Variants in SLC4A9 observed in about 807,000 individuals in gnomAD.
SLC4A9 encodes the protein solute carrier family 4 member 9.
Under a neutral mutation model 103.2 loss-of-function variants are expected in SLC4A9, and 102 were observed. That is an observed-to-expected ratio of 0.99 (90% confidence interval 0.84 to 1.17). The LOEUF (loss-of-function observed/expected upper bound fraction) is 1.17. SLC4A9 is among the 50% of genes most tolerant of loss of function. The probability of loss-of-function intolerance (pLI) is 0.00; values close to 1 mark genes in which losing one functional copy is unlikely to be tolerated. For synonymous variants in SLC4A9, 453 were observed against 483.6 expected (o/e 0.94, Z 0.83); for missense variants, 1,091 against 1,193.7 (o/e 0.91, Z 1.27).
chr5:140,367,412 T>G lies in SLC4A9; in HGVS notation c.2014-8T>G, dbSNP rs1468766068. 1 of 1,611,032 alleles carries G rather than the reference T, an allele frequency of 6.2e-7. No homozygotes were observed. Among genetic ancestry groups the G allele is most frequent in the Non-Finnish European group, 8.5e-7 (1 of 1,178,934 alleles). ...ACTCCAACCTGTCCATGAAATGCCC[T>G]CCTCCAGCCCACACTCCCTGGGCGT... On this transcript the variant is annotated splice_region_variant and splice_polypyrimidine_tract_variant and intron_variant, in intron 14 of 21. Transcript: ENST00000506757.
At chr5:140,366,787 C>A (rs1407361357) in intron 14 of SLC4A9, among the ~76,000 whole-genome samples, 4 of 152,142 alleles carry the variant, frequency 2.6e-5, no homozygotes, top group Admixed American at 2.6e-4. Flanking sequence ...CTCCACTACT[C>A]CTCACTCTCT....
Position 140,363,304 on chromosome 5 carries a change from G to A in SLC4A9, c.963-135G>A, listed in dbSNP as rs1005674904. ...CGCAATATGACCTGGACCTTCTAGA[G>A]GCCCAGGTGTCGCCATGGTTCCCTC... On this transcript the variant is annotated intron_variant, in intron 7 of 21. Coordinates refer to ENST00000506757, the MANE Select transcript of SLC4A9 (RefSeq NM_031467.3). This position sits in a 1 kb window ranked among gnomAD's most constrained non-coding sequence, Gnocchi z 4.5. 12 of 941,318 alleles carry A rather than the reference G, an allele frequency of 1.3e-5. No homozygotes were observed. The African/African-American group carries it at 2.0e-4, about 16-fold the overall frequency. The allele number at this position is 941,318 out of a possible 1,614,324, so 58.3% of individuals were successfully genotyped here.
In SLC4A9 at chr5:140,367,799, A is replaced by G. The variant is rs1451686109; in HGVS notation, c.2255A>G (p.Tyr752Cys). 10 of 1,613,902 alleles carry G rather than the reference A, an allele frequency of 6.2e-6. No individual in the cohort carries two copies. The highest frequency in any genetic ancestry group is 1.7e-5 in the Admixed American group (1 of 60,022). The change falls in exon 16 of 22, where the codon TAT (tyrosine) becomes TGT (cysteine). Residue 752 changes from tyrosine (Y) to cysteine (C), a missense_variant. By Grantham distance (194) the Tyr-to-Cys change is radical. Transcript: ENST00000506757. ...ACATCAGCGCTTGGACTGCCTTGGTATGTCTCAGCCACTGTCATCTCCCTG... is the reference window on the plus strand; with the variant it reads ...ACATCAGCGCTTGGACTGCCTTGGTGTGTCTCAGCCACTGTCATCTCCCTG... ...LLTSALGLPW[Y>C]VSATVISLAH... is the part of the protein sequence containing the mutation.
At position 140,364,602 on chromosome 5, in the gene SLC4A9, T is replaced by C; in HGVS notation, c.1628T>C (p.Leu543Pro). ...QKPGSSAYGC[L>P]CQYPGPGGNE... ...CCTGGGTCCTCTGCCTACGGGTGCC[T>C]CTGCCAATACCCAGGCCCAGGAGGT... is the stretch of plus-strand genomic sequence containing the variant. Residue 543 changes from leucine to proline, a missense_variant, in exon 11 of 22, where the codon CTC becomes CCC. Coordinates refer to ENST00000506757, the MANE Select transcript of SLC4A9 (RefSeq NM_031467.3). 2 of 1,601,336 alleles carry C rather than the reference T, an allele frequency of 1.2e-6. No individual in the cohort carries two copies. Among genetic ancestry groups the C allele is most frequent in the Non-Finnish European group, 1.7e-6 (2 of 1,173,716 alleles).
chr5:140,361,389 C>G (rs1767062518), intron 3 of SLC4A9, 22 bp downstream of exon 3: 5 of 1,536,112 alleles, frequency 3.3e-6, no homozygotes, highest in Non-Finnish European at 4.4e-6. Context: ...TCCCTGGGCC[C>G]AGGACCAAGA....
In SLC4A9 at chr5:140,372,255, T is replaced by G; in HGVS notation, c.2684T>G (p.Val895Gly). The G allele has an allele frequency of 2.6e-6, 4 of 1,567,074 alleles. No individual in the cohort carries two copies. The highest frequency in any genetic ancestry group is 3.4e-6 in the Non-Finnish European group (4 of 1,163,054). Residue 895 changes from valine (V) to glycine (G), a missense_variant, in exon 20 of 22, where the codon GTG (valine) becomes GGG (glycine). By Grantham distance (109) the Val-to-Gly change is moderately radical (BLOSUM62 -3). Coordinates refer to ENST00000506757, the MANE Select transcript of SLC4A9 (RefSeq NM_031467.3). ...IIFPLMLLGL[V>G]GVRKALERVF... ...CTATTCCTGCAGTTGCTGGGCCTTG[T>G]GGGGGTCCGAAAGGCCCTGGAGAGG...
Position 140,372,363 on chromosome 5 carries a change from C to T in SLC4A9, c.2792C>T (p.Pro931Leu), listed in dbSNP as rs752889293. The change falls in exon 20 of 22, where the codon CCA becomes CTA. Residue 931 changes from proline (P) to leucine (L), a missense_variant. Coordinates refer to ENST00000506757, the MANE Select transcript of SLC4A9 (RefSeq NM_031467.3). ...ERSIPEKGLE[P>L]EHSFSGSDSE... ...AGCATCCCTGAGAAGGGGCTGGAGC[C>T]AGAACACTCATTCAGTGGAAGTGAC... is the stretch of plus-strand genomic sequence containing the variant. 5.0e-6 allele frequency: 8 copies of T among 1,610,170 alleles called. No homozygotes were observed. The Admixed American group carries it at 1.4e-4, about 27-fold the overall frequency.
chr5:140,365,983 C>A lies in SLC4A9; in HGVS notation c.1860C>A (p.Ala620=). 1 of 1,614,044 alleles carries A rather than the reference C, an allele frequency of 6.2e-7. No homozygotes were observed. Among genetic ancestry groups the A allele is most frequent in the Non-Finnish European group, 8.5e-7 (1 of 1,179,890 alleles). ...TTACTTCTTTCTTCTTTGCTATGGCCCTCAAGTGTGTAAAGACCAGCCGCT... is the reference window on the plus strand; with the variant it reads ...TTACTTCTTTCTTCTTTGCTATGGCACTCAAGTGTGTAAAGACCAGCCGCT... ...LFLTSFFFAM[A]LKCVKTSRFF... The change falls in exon 13 of 22, where the codon GCC becomes GCA. Residue 620 remains alanine (A), a synonymous_variant. Transcript: ENST00000506757.
In SLC4A9 at chr5:140,363,683, T is replaced by G. The variant is rs778431635; in HGVS notation, c.1080-45T>G. The G allele has an allele frequency of 6.2e-7, 1 of 1,606,254 alleles. No homozygotes were observed. Among genetic ancestry groups the G allele is most frequent in the Non-Finnish European group, 8.5e-7 (1 of 1,176,114 alleles). On this transcript the variant is annotated intron_variant, in intron 8 of 21. Coordinates refer to ENST00000506757, the MANE Select transcript of SLC4A9 (RefSeq NM_031467.3). This position sits in a 1 kb window ranked among gnomAD's most constrained non-coding sequence, Gnocchi z 4.5. ...ACAGGGAAAGTAGCGGGGATGCGGG[T>G]GTGGAGTGTGAAAACCTGGATCACT...
intron 17 of SLC4A9, among the ~76,000 whole-genome samples, chr5:140,370,721 AAAGGCTTTGC>A (rs1372042508): frequency 6.6e-6 from 1 of 152,138 alleles, no homozygotes; most frequent in Non-Finnish European, 1.5e-5. Context: ...TAGCAAAGCA[AAAGGCTTTGC>A]AAGGGGTAGG....
In SLC4A9 at chr5:140,361,355, A is replaced by G. The variant is rs1174433317; in HGVS notation, c.493A>G (p.Arg165Gly). 1.9e-6 allele frequency: 3 copies of G among 1,556,038 alleles called. No individual in the cohort carries two copies. In the Admixed American group the frequency reaches 5.8e-5, roughly 30 times the overall value. ...GCATTACAACCAGACCACAGGCACC[A>G]GGCCCTGCTGGGGTGAGAGCCCCTC... ...PQHYNQTTGT[R>G]PCWGSTHPRK... The change falls in exon 3 of 22, where the codon AGG becomes GGG. Residue 165 changes from arginine (R) to glycine (G), a missense_variant. By Grantham distance (125) the Arg-to-Gly change is moderately radical (BLOSUM62 -2). Transcript: ENST00000506757.
chr5:140,366,118 C>T (rs1295780908), intron 13 of SLC4A9, 33 bp from the exon 14 acceptor site: 1 of 1,609,080 alleles, frequency 6.2e-7, no homozygotes, highest in South Asian at 1.1e-5. Context: ...AGATGGCAGG[C>T]CTGGACCTGA....
Position 140,368,470 on chromosome 5 carries a change from G to A in SLC4A9, c.2355-117G>A, listed in dbSNP as rs958179098. ...TCATCCCTCTGGGTGACCTACTGGG[G>A]TATTCCTCTAGTTTTCTCTTGCTGC... On this transcript the variant is annotated intron_variant, in intron 16 of 21. Transcript: ENST00000506757. The A allele has an allele frequency of 1.1e-5, 8 of 752,782 alleles. No homozygotes were observed. In the Admixed American group the frequency reaches 2.1e-4, roughly 19 times the overall value. 46.6% of individuals were successfully genotyped at this position (752,782 alleles called of 1,614,324 possible). A position where few individuals can be genotyped will look rare whatever the true frequency, so the allele number is the denominator to read the frequency against.
At position 140,365,429 on chromosome 5, in the gene SLC4A9, T is replaced by C. The variant is rs967430999; in HGVS notation, c.1652-91T>C. On this transcript the variant is annotated intron_variant, in intron 11 of 21. Coordinates refer to ENST00000506757, the MANE Select transcript of SLC4A9 (RefSeq NM_031467.3). ...GATGAGTCACAATTAAGAACTCTGGTTCACCTGGACCCATCAGATAAGAAT... is the reference window on the plus strand; with the variant it reads ...GATGAGTCACAATTAAGAACTCTGGCTCACCTGGACCCATCAGATAAGAAT... 7 of 1,110,806 alleles carry C rather than the reference T, an allele frequency of 6.3e-6. No homozygotes were observed. In the African/African-American group the frequency reaches 1.1e-4, roughly 17 times the overall value. 68.8% of individuals were successfully genotyped at this position (1,110,806 alleles called of 1,614,324 possible). A position where few individuals can be genotyped will look rare whatever the true frequency, so the allele number is the denominator to read the frequency against.
In SLC4A9 at chr5:140,363,647, C is replaced by T; in HGVS notation, c.1080-81C>T. 9.5e-6 allele frequency: 15 copies of T among 1,581,504 alleles called. No individual in the cohort carries two copies. In the South Asian group the frequency reaches 1.7e-4, roughly 18 times the overall value. On this transcript the variant is annotated intron_variant, in intron 8 of 21. Transcript: ENST00000506757. This position sits in a 1 kb window ranked among gnomAD's most constrained non-coding sequence, Gnocchi z 4.5. ...AGGTGTGTGCTCACTGTGGGAGGGGCTCACCCGGTCACAGGGAAAGTAGCG... is the reference window on the plus strand; with the variant it reads ...AGGTGTGTGCTCACTGTGGGAGGGGTTCACCCGGTCACAGGGAAAGTAGCG...
chr5:140,369,529 C>CA (rs111899902), intron 17 of SLC4A9, among the ~76,000 whole-genome samples: 34,171 of 151,914 alleles, frequency 0.22, 4,021 homozygotes, highest in East Asian at 0.29. Flanking sequence ...GCCAAGACAG[C>CA]AAGCAGTCAA....
At position 140,362,460 on chromosome 5, in the gene SLC4A9, C is replaced by T. The variant is rs1767227029; in HGVS notation, c.735C>T (p.Leu245=). ...CCTTCCTCAGGTTTTTCTGCCTTCTCCTGGGCCCCTGTATGCTGGGAAAGG... is the reference window on the plus strand; with the variant it reads ...CCTTCCTCAGGTTTTTCTGCCTTCTTCTGGGCCCCTGTATGCTGGGAAAGG... ...VSLPSRFFCL[L]LGPCMLGKGY... is the part of the protein sequence containing the mutation. Residue 245 remains leucine (L), a synonymous_variant, in exon 6 of 22, where the codon CTC becomes CTT. Coordinates refer to ENST00000506757, the MANE Select transcript of SLC4A9 (RefSeq NM_031467.3). The T allele has an allele frequency of 1.2e-6, 2 of 1,613,916 alleles. No individual in the cohort carries two copies. The highest frequency in any genetic ancestry group is 1.3e-5 in the African/African-American group (1 of 74,926).
chr5:140,361,940 T>C, intron 4 of SLC4A9, 77 bp downstream of exon 4: 1 of 1,613,278 alleles, frequency 6.2e-7, no homozygotes, highest in Non-Finnish European at 8.5e-7. Flanking sequence ...TACTCTCCAC[T>C]GGATTTCTCA....
At chr5:140,367,388 C>A (rs373580196) in intron 14 of SLC4A9, 32 bp from the exon 15 acceptor site, 211 of 1,604,408 alleles carry the variant, frequency 1.3e-4, no homozygotes, top group Admixed American at 4.9e-4. Flanking sequence ...GGGAGACCCA[C>A]TCCAACCTGT....
Sources: gnomAD v4.1 joint callset for allele counts (sites outside exome capture counted in the v4.1 genomes callset) on GRCh38, gnomAD v4.1.1 for gene constraint, Gnocchi (gnomAD v3.1) non-coding constraint, MANE v1.5 for transcripts, NCBI Gene and HGNC (gene_info 2026-07-23, HGNC 2026-07-21) for gene names.